The following RBPMS variants were observed in gnomAD, a reference collection of about 807,000 sequenced individuals.
RBPMS encodes the protein RNA binding protein, mRNA processing factor, also known as RNA-binding protein with multiple splicing.
Under a neutral mutation model 26.8 loss-of-function variants are expected in RBPMS, and 7 were observed. The ratio of observed to expected loss-of-function variants is 0.26; its 90% CI spans 0.15 to 0.49. RBPMS has a LOEUF of 0.49. RBPMS is among the 20% of genes least tolerant of loss of function. The probability of loss-of-function intolerance (pLI) is 0.98; values close to 1 mark genes in which losing one functional copy is unlikely to be tolerated. For missense variants in RBPMS, 186 were observed against 250.0 expected (o/e 0.74, Z 1.73); for synonymous variants, 96 against 93.3 (o/e 1.03, Z -0.17).
At chr8:30,558,106 C>G (rs1202446586) in intron 6 of RBPMS, 1 of 152,298 alleles carries the variant, frequency 6.6e-6, no homozygotes, top group Non-Finnish European at 1.5e-5. Context: ...TTAGGTGATC[C>G]GCCCGCCTTG....
intron 8 of RBPMS, among the ~76,000 whole-genome samples, chr8:30,568,678 G>A (rs1056078820): frequency 3.9e-5 from 6 of 152,140 alleles, no homozygotes; most frequent in Admixed American, 1.3e-4. Flanking sequence ...AGCCTTATGC[G>A]TTCCCAACCC....
At chr8:30,464,568 T>G (rs533998962) in intron 1 of RBPMS, among the ~76,000 whole-genome samples, 1 of 152,306 alleles carries the variant, frequency 6.6e-6, no homozygotes, top group South Asian at 2.1e-4. Context: ...CAATAAATAC[T>G]TGAGAGTCCT....
In RBPMS at chr8:30,477,969, G is replaced by T. The variant is rs147992106; in HGVS notation, c.183+132G>T. The stretch of plus-strand genomic sequence containing the variant: ...TTGTCTTTAAAATTAAAAGTGAGAT[G>T]TATTAGGAATTAGCACAGGAAAATA... On this transcript the variant is annotated intron_variant, in intron 3 of 8. Coordinates refer to ENST00000397323, the MANE Select transcript of RBPMS (RefSeq NM_001008710.3). 2.1e-3 allele frequency: 1,359 copies of T among 640,194 alleles called. 11 individuals are homozygous for T. The African/African-American group carries it at 0.022, about 11-fold the overall frequency. The allele number at this position is 640,194 out of a possible 1,614,324, so 39.7% of individuals were successfully genotyped here.
chr8:30,555,175 A>AT (rs1196406718), intron 6 of RBPMS, among the ~76,000 whole-genome samples: 1 of 152,108 alleles, frequency 6.6e-6, no homozygotes, highest in Admixed American at 6.5e-5. Context: ...TTTTCTGGGT[A>AT]TCTTGGTGCT....
chr8:30,535,698 G>T (rs1824723695), intron 5 of RBPMS, among the ~76,000 whole-genome samples: 1 of 152,212 alleles, frequency 6.6e-6, no homozygotes. Flanking sequence ...TAGTAGCTGG[G>T]ATTACAAGCA....
intron 1 of RBPMS, among the ~76,000 whole-genome samples, chr8:30,389,625 A>T (rs1416168015): frequency 6.6e-6 from 1 of 152,120 alleles, no homozygotes; most frequent in Non-Finnish European, 1.5e-5. Flanking sequence ...TATCATAAAG[A>T]TTTATATATA....
chr8:30,537,451 G>A (rs2979511), intron 5 of RBPMS: 92,013 of 405,124 alleles, frequency 0.23, 11,881 homozygotes, highest in South Asian at 0.39. Flanking sequence ...AAATAGTGGA[G>A]TGGGGAGACG....
intron 5 of RBPMS, among the ~76,000 whole-genome samples, chr8:30,510,500 CT>C (rs35949437): frequency 0.27 from 39,352 of 146,526 alleles, 5,326 homozygotes; most frequent in East Asian, 0.4. Flanking sequence ...ACCACACTGC[CT>C]TTTTTTTTTT....
At chr8:30,392,152 AGTT>A (rs1056843745) in intron 1 of RBPMS, among the ~76,000 whole-genome samples, 22 of 152,238 alleles carry the variant, frequency 1.4e-4, no homozygotes, top group Admixed American at 1.4e-3. Context: ...AAGTAGAGGT[AGTT>A]GAGTTGAGCA....
At chr8:30,385,585 C>A (rs551208371) in intron 1 of RBPMS, among the ~76,000 whole-genome samples, 5 of 152,076 alleles carry the variant, frequency 3.3e-5, no homozygotes, top group African/African-American at 1.2e-4. Context: ...TAAAAGATAC[C>A]TCTATTCCCT....
At chr8:30,560,082 G>A (rs1430205484) in intron 7 of RBPMS, among the ~76,000 whole-genome samples, 1 of 152,206 alleles carries the variant, frequency 6.6e-6, no homozygotes, top group East Asian at 1.9e-4. Context: ...AGACACTAGA[G>A]CTGAACTCGC....
At chr8:30,552,332 A>G (rs1357823230) in intron 6 of RBPMS, 1 of 152,232 alleles carries the variant, frequency 6.6e-6, no homozygotes, top group Non-Finnish European at 1.5e-5. Context: ...TGTAGCCTTC[A>G]TAAAAGGGGA....
chr8:30,561,126 TAATTA>T (rs1827445265), intron 7 of RBPMS, among the ~76,000 whole-genome samples: 1 of 152,200 alleles, frequency 6.6e-6, no homozygotes, highest in Non-Finnish European at 1.5e-5. Flanking sequence ...TTAAAATGTT[TAATTA>T]TTTTGTGAAT....
intron 4 of RBPMS, among the ~76,000 whole-genome samples, chr8:30,481,041 T>C (rs1818216146): frequency 1.3e-5 from 2 of 152,242 alleles, no homozygotes; most frequent in Non-Finnish European, 2.9e-5. Context: ...AATAGGCTTT[T>C]ATAGTGACCT....
chr8:30,465,473 A>G (rs1320368017), intron 1 of RBPMS, among the ~76,000 whole-genome samples: 1 of 152,152 alleles, frequency 6.6e-6, no homozygotes, highest in Admixed American at 6.5e-5. Flanking sequence ...GAATGGCCTG[A>G]GTTGGAGTTT....
chr8:30,384,754 CT>C lies in RBPMS; in HGVS notation c.-337del. On this transcript the variant is annotated 5_prime_UTR_variant, in exon 1 of 9. Transcript: ENST00000397323. This position sits in a 1 kb window ranked among gnomAD's most constrained non-coding sequence, Gnocchi z 5.6. ...CCTCGCCCCATCCTTTGCTTCCTTC[CT>C]TCCTTCCTTCTTCCTTCCTCCCCTG... 1 of 223,334 alleles carries C rather than the reference CT, an allele frequency of 4.5e-6. No homozygotes were observed. Among genetic ancestry groups the C allele is most frequent in the Non-Finnish European group, 8.8e-6 (1 of 114,060 alleles). 13.8% of individuals were successfully genotyped at this position (223,334 alleles called of 1,614,324 possible). A position where few individuals can be genotyped will look rare whatever the true frequency, so the allele number is the denominator to read the frequency against.
At chr8:30,429,023 AAAAGATGTCATTG>A (rs1302734196) in intron 1 of RBPMS, among the ~76,000 whole-genome samples, 1 of 152,196 alleles carries the variant, frequency 6.6e-6, no homozygotes, top group Non-Finnish European at 1.5e-5. Context: ...GTGGTGAGAA[AAAAGATGTCATTG>A]AAGGAGCTCT....
chr8:30,492,285 CACAT>C (rs1471697918), intron 4 of RBPMS, among the ~76,000 whole-genome samples: 1 of 152,198 alleles, frequency 6.6e-6, no homozygotes, highest in Non-Finnish European at 1.5e-5. Flanking sequence ...AGCACTTTCA[CACAT>C]GCATGCATCC....
At chr8:30,534,548 A>G (rs1824602588) in intron 5 of RBPMS, among the ~76,000 whole-genome samples, 1 of 152,222 alleles carries the variant, frequency 6.6e-6, no homozygotes, top group African/African-American at 2.4e-5. Flanking sequence ...AACCAGAAGA[A>G]CGGGGGTGGT....
Sources: gnomAD v4.1 joint callset for allele counts (sites outside exome capture counted in the v4.1 genomes callset) on GRCh38, gnomAD v4.1.1 for gene constraint, Gnocchi (gnomAD v3.1) non-coding constraint, MANE v1.5 for transcripts, NCBI Gene and HGNC (gene_info 2026-07-23, HGNC 2026-07-21) for gene names.